ZNF493: variants seen among roughly 807,000 people sequenced by gnomAD.
ZNF493 encodes the protein zinc finger protein 493.
Under a neutral mutation model 12.2 loss-of-function variants are expected in ZNF493, and 11 were observed. That is an observed-to-expected ratio of 0.90 (90% confidence interval 0.57 to 1.50). ZNF493 has a LOEUF of 1.50. ZNF493 is among the 40% of genes most tolerant of loss of function. The probability of loss-of-function intolerance (pLI) is 0.00; values close to 1 mark genes in which losing one functional copy is unlikely to be tolerated. For missense variants in ZNF493, 950 were observed against 906.6 expected (o/e 1.05, Z -0.61); for synonymous variants, 286 against 302.6 (o/e 0.95, Z 0.57).
At position 21,409,093 on chromosome 19, in the gene ZNF493, C is replaced by T. The variant is rs560598634; in HGVS notation, c.253+3237C>T. ...CAGAGACGGGGTTTCACCATATTAG[C>T]CAGGATGGTCTCGATCTCCTGACCT... On this transcript the variant is annotated intron_variant, in intron 3 of 3. Coordinates refer to ENST00000392288, the MANE Select transcript of ZNF493 (RefSeq NM_001076678.3). Among the ~76,000 whole-genome samples the T allele has an allele frequency of 3.3e-5, 5 of 151,896 alleles. No individual in the cohort carries two copies. In the East Asian group the frequency reaches 9.7e-4, roughly 29 times the overall value.
chr19:21,423,759 A>G lies in ZNF493; in HGVS notation c.1100A>G (p.His367Arg), dbSNP rs764133059. Residue 367 changes from histidine to arginine, a missense_variant, in exon 4 of 4, where the codon CAT (histidine) becomes CGT (arginine). Physicochemically the swap from His to Arg is conservative, Grantham distance 29. Transcript: ENST00000392288. ...AAGGAGTCCTCACACCTTACTACACATAAAAGAATTCATACTGGAGAGAAA... is the reference window on the plus strand; with the variant it reads ...AAGGAGTCCTCACACCTTACTACACGTAAAAGAATTCATACTGGAGAGAAA... ...AYKESSHLTT[H>R]KRIHTGEKPY... The G allele has an allele frequency of 5.0e-6, 8 of 1,613,194 alleles. No homozygotes were observed. Among genetic ancestry groups the G allele is most frequent in the East Asian group, 2.2e-5 (1 of 44,818 alleles).
At chr19:21,400,572 C>T (rs2029904266) in intron 1 of ZNF493, among the ~76,000 whole-genome samples, 1 of 152,130 alleles carries the variant, frequency 6.6e-6, no homozygotes, top group Non-Finnish European at 1.5e-5. Flanking sequence ...AAGGCTAATA[C>T]TGAGCCTGCA....
chr19:21,408,637 C>A, intron 3 of ZNF493: 1 of 984,886 alleles, frequency 1.0e-6, no homozygotes, highest in Non-Finnish European at 1.2e-6. Flanking sequence ...AACGTCTCTT[C>A]CTGTGCAGTT....
rs763751092 is a variant in ZNF493 at position 21,405,100 on chromosome 19, GTGTGTGTGTT to G, written c.31-15_31-6del. 1.9e-6 allele frequency: 3 copies of G among 1,609,598 alleles called. No homozygotes were observed. In the South Asian group the frequency reaches 3.3e-5, roughly 18 times the overall value. On this transcript the variant is annotated intron_variant, in intron 1 of 3. Coordinates refer to ENST00000392288, the MANE Select transcript of ZNF493 (RefSeq NM_001076678.3). ...TGCCCACGTGTAAATGTGTGTGTGT[GTGTGTGTGTT>G]TGTGTGTGTTTGTTTCAGGGGCCGT...
At chr19:21,410,556 TTTA>T (rs1464037848) in intron 3 of ZNF493, among the ~76,000 whole-genome samples, 1 of 152,162 alleles carries the variant, frequency 6.6e-6, no homozygotes, top group Non-Finnish European at 1.5e-5. Context: ...TTAATTTAGC[TTTA>T]TTGTTCAGTT....
Position 21,423,469 on chromosome 19 carries a change from T to C in ZNF493, c.810T>C (p.Cys270=). ...TGQKPYKCEE[C]GTSFYQFSYL... Reference sequence around the variant, plus strand: ...AGAAACCCTACAAATGTGAAGAATGTGGCACATCTTTCTACCAATTCTCAT... The same window carrying C: ...AGAAACCCTACAAATGTGAAGAATGCGGCACATCTTTCTACCAATTCTCAT... Residue 270 remains cysteine (C), a synonymous_variant, in exon 4 of 4, where the codon TGT becomes TGC. Transcript: ENST00000392288. The C allele has an allele frequency of 6.2e-7, 1 of 1,613,682 alleles. No individual in the cohort carries two copies. Among genetic ancestry groups the C allele is most frequent in the South Asian group, 1.1e-5 (1 of 91,074 alleles).
intron 3 of ZNF493, chr19:21,413,510 T>G (rs1344112025): frequency 1.2e-5 from 5 of 403,144 alleles, no homozygotes; most frequent in African/African-American, 2.1e-5. Flanking sequence ...TGTCCCAAGG[T>G]GGGTGGCTGT....
intron 1 of ZNF493, among the ~76,000 whole-genome samples, chr19:21,401,720 A>T (rs987431954): frequency 1.3e-4 from 19 of 145,916 alleles, no homozygotes; most frequent in Non-Finnish European, 2.7e-4. Context: ...CCACCTCCTG[A>T]GTTTAAGCAA....
At chr19:21,406,536 T>C (rs2030135583) in intron 3 of ZNF493, among the ~76,000 whole-genome samples, 2 of 152,178 alleles carry the variant, frequency 1.3e-5, no homozygotes, top group Non-Finnish European at 2.9e-5. Flanking sequence ...CACACAAATA[T>C]CTGCATCTGC....
rs1432324314 is a variant in ZNF493, at chr19:21,405,781, G to C, written c.178G>C (p.Asp60His). ...VFLGIAVSKP[D>H]LVTCLEQGKD... ...AGCAGGTATTGCTGTCTCTAAGCCA[G>C]ATCTGGTCACCTGTCTGGAGCAAGG... Residue 60 changes from aspartate (D) to histidine (H), a missense_variant, in exon 3 of 4, where the codon GAT becomes CAT. Asp to His is a moderately conservative substitution (Grantham distance 81). Coordinates refer to ENST00000392288, the MANE Select transcript of ZNF493 (RefSeq NM_001076678.3). The C allele has an allele frequency of 6.2e-7, 1 of 1,611,674 alleles. No individual in the cohort carries two copies. Among genetic ancestry groups the C allele is most frequent in the Admixed American group, 1.7e-5 (1 of 59,370 alleles).
chr19:21,416,611 G>A (rs1451099935), intron 3 of ZNF493, among the ~76,000 whole-genome samples: 1 of 152,112 alleles, frequency 6.6e-6, no homozygotes, highest in Non-Finnish European at 1.5e-5. Context: ...TATGTCACAG[G>A]TAGGACGTTT....
In ZNF493 at chr19:21,423,513, T is replaced by C. The variant is rs1320432009; in HGVS notation, c.854T>C (p.Leu285Pro). The C allele has an allele frequency of 6.2e-7, 1 of 1,613,708 alleles. No homozygotes were observed. The highest frequency in any genetic ancestry group is 8.5e-7 in the Non-Finnish European group (1 of 1,179,824). ...TTCTCATACCTTACTAGGCATAAGC[T>C]AATTCATACTAGAGAGAAACCCTAT... The part of the protein sequence containing the change: ...YQFSYLTRHK[L>P]IHTREKPYKC... Residue 285 changes from leucine (L) to proline (P), a missense_variant, in exon 4 of 4, where the codon CTA becomes CCA. Transcript: ENST00000392288.
chr19:21,420,617 ATATATATTTTTTTTTTTTTTTT>A (rs1341171426), intron 3 of ZNF493, among the ~76,000 whole-genome samples: 1 of 12,630 alleles, frequency 7.9e-5, no homozygotes, highest in Non-Finnish European at 1.3e-4. Context: ...ATATATATAT[ATATATATTTTTTTTTTTTTTTT>A]TTTTTTTTTT....
chr19:21,417,809 C>T (rs2030538822), intron 3 of ZNF493, among the ~76,000 whole-genome samples: 1 of 152,154 alleles, frequency 6.6e-6, no homozygotes, highest in Non-Finnish European at 1.5e-5. Context: ...ATTGTAAGAA[C>T]TGGGCAGGAG....
rs1018887432 is a variant in ZNF493, at chr19:21,405,478, A to T, written c.157+223A>T. On this transcript the variant is annotated intron_variant, in intron 2 of 3. Transcript: ENST00000392288. ...TGAGCCGGTCTGTATCCTTCACTCT[A>T]CAGTAGTGGTAATTTCAGAAATTTA... 5.9e-5 allele frequency: 80 copies of T among 1,364,056 alleles called. No homozygotes were observed. The African/African-American group carries it at 1.0e-3, about 18-fold the overall frequency. 84.5% of individuals were successfully genotyped at this position (1,364,056 alleles called of 1,614,324 possible).
In ZNF493 at chr19:21,424,753, A is replaced by T. The variant is rs767545266; in HGVS notation, c.2094A>T (p.Ser698=). The T allele has an allele frequency of 1.2e-6, 2 of 1,613,438 alleles. No homozygotes were observed. The highest frequency in any genetic ancestry group is 1.7e-6 in the Non-Finnish European group (2 of 1,179,642). ...GTGGCAAAACTTTCTACCGATTCTC[A>T]AACCTTAATACGCATAAGATAATTC... ...EKCGKTFYRF[S]NLNTHKIIHT... Residue 698 remains serine, a synonymous_variant, in exon 4 of 4, where the codon TCA becomes TCT. Transcript: ENST00000392288.
Position 21,405,174 on chromosome 19 carries a change from G to T in ZNF493, c.76G>T (p.Glu26Ter), listed in dbSNP as rs2030078245. The T allele has an allele frequency of 3.7e-6, 6 of 1,613,944 alleles. No individual in the cohort carries two copies. The highest frequency in any genetic ancestry group is 5.1e-6 in the Non-Finnish European group (6 of 1,180,014). Residue 26 changes from glutamate (E) to a stop codon, truncating the protein, a stop_gained, in exon 2 of 4, where the codon GAG (glutamate) becomes TAG (stop). Transcript: ENST00000392288. LOFTEE classifies it high-confidence loss of function. ...RDVAIEFSLE[E>*]WQCLDTAQQD... ...TGTGGCCATAGAATTCTCTCTGGAG[G>T]AGTGGCAATGCCTGGACACTGCTCA... is the stretch of plus-strand genomic sequence containing the variant.
At chr19:21,417,356 GA>G (rs1240403014) in intron 3 of ZNF493, among the ~76,000 whole-genome samples, 2 of 152,084 alleles carry the variant, frequency 1.3e-5, no homozygotes, top group Non-Finnish European at 2.9e-5. Context: ...GCCTTACGCA[GA>G]TTACCTCCAA....
chr19:21,405,652 G>T, intron 2 of ZNF493, 109 bp from the exon 3 acceptor site: 5 of 1,114,758 alleles, frequency 4.5e-6, no homozygotes, highest in Middle Eastern at 2.3e-4. Flanking sequence ...TAGTATTTTG[G>T]GATAAATTTT....
Sources: allele counts gnomAD v4.1 joint callset (sites outside exome capture counted in the v4.1 genomes callset), GRCh38; gene constraint gnomAD v4.1.1; transcripts MANE v1.5; gene names NCBI Gene and HGNC (gene_info 2026-07-23, HGNC 2026-07-21).